The following SORCS2 variants were observed in gnomAD, a reference collection of about 807,000 sequenced individuals.
SORCS2 encodes the protein sortilin related VPS10 domain containing receptor 2, also known as VPS10 domain-containing receptor SorCS2.
In SORCS2, 100 loss-of-function variants were observed where a neutral mutation model predicts 141.6. That is an observed-to-expected ratio of 0.71 (90% CI 0.60 to 0.83). The LOEUF is 0.83. Among genes scored for constraint, SORCS2 ranks in the 40% least tolerant of loss-of-function variants. The pLI is 0.00. For missense variants in SORCS2, 1,646 were observed against 1,560.2 expected, an observed-to-expected ratio of 1.05 and a Z score of -0.93; for synonymous variants, 789 against 676.9, an observed-to-expected ratio of 1.17 and a Z score of -2.57.
intron 2 of SORCS2, among the ~76,000 whole-genome samples, chr4:7,475,933 G>A (rs901467035): frequency 2.0e-5 from 3 of 152,188 alleles, no homozygotes; most frequent in African/African-American, 2.4e-5. Context: ...TTGTCCCTTC[G>A]GCTGTGACGA....
At chr4:7,717,406 A>G (rs2109047159) in intron 17 of SORCS2, among the ~76,000 whole-genome samples, 1 of 152,340 alleles carries the variant, frequency 6.6e-6, no homozygotes, top group Middle Eastern at 3.4e-3. Flanking sequence ...TCTGCTCTGC[A>G]CAGCATCTAG....
intron 2 of SORCS2, among the ~76,000 whole-genome samples, chr4:7,528,037 C>T (rs944859660): frequency 6.7e-6 from 1 of 149,346 alleles, no homozygotes; most frequent in Non-Finnish European, 1.5e-5. Context: ...CTCTGTCTCT[C>T]TCTCTGTCTC....
At chr4:7,313,293 T>C (rs1309144438) in intron 1 of SORCS2, among the ~76,000 whole-genome samples, 1 of 152,214 alleles carries the variant, frequency 6.6e-6, no homozygotes, top group Non-Finnish European at 1.5e-5. Flanking sequence ...ATTCAGTTGT[T>C]AGAAAATCAT....
At chr4:7,333,432 T>C (rs1048507843) in intron 1 of SORCS2, among the ~76,000 whole-genome samples, 1 of 152,208 alleles carries the variant, frequency 6.6e-6, no homozygotes, top group Non-Finnish European at 1.5e-5. Context: ...CATCCTCTTC[T>C]GCTCTGTTGT....
intron 1 of SORCS2, among the ~76,000 whole-genome samples, chr4:7,317,523 G>C (rs1407353863): frequency 6.6e-6 from 1 of 152,192 alleles, no homozygotes; most frequent in Non-Finnish European, 1.5e-5. Context: ...GAGCCCAGGT[G>C]GCCACTTCTT....
intron 2 of SORCS2, among the ~76,000 whole-genome samples, chr4:7,528,538 G>T (rs1733840801): frequency 6.6e-6 from 1 of 152,250 alleles, no homozygotes; most frequent in Non-Finnish European, 1.5e-5. Context: ...AGATTCTCGT[G>T]CCTCAGCCTC....
At chr4:7,714,061 A>C (rs1175250666) in intron 15 of SORCS2, among the ~76,000 whole-genome samples, 179 bp from the exon 16 acceptor site, 1 of 152,204 alleles carries the variant, frequency 6.6e-6, no homozygotes, top group African/African-American at 2.4e-5. Flanking sequence ...GGTTGGGATG[A>C]GAGGGAGGCT....
intron 26 of SORCS2, among the ~76,000 whole-genome samples, chr4:7,739,610 T>C (rs1460997580): frequency 6.6e-6 from 1 of 152,102 alleles, no homozygotes; most frequent in Non-Finnish European, 1.5e-5. Context: ...AGGTGAAGGA[T>C]GGGCGAGGAC....
At chr4:7,400,711 A>G (rs1299693799) in intron 2 of SORCS2, among the ~76,000 whole-genome samples, 2 of 152,168 alleles carry the variant, frequency 1.3e-5, no homozygotes, top group African/African-American at 4.8e-5. Context: ...GAATGGATGG[A>G]TGGATGAATG....
chr4:7,513,278 G>A (rs1053156692), intron 2 of SORCS2, among the ~76,000 whole-genome samples: 1 of 152,242 alleles, frequency 6.6e-6, no homozygotes, highest in Non-Finnish European at 1.5e-5. Flanking sequence ...CCGTGGATGA[G>A]TGGAAGCCAT....
chr4:7,317,699 C>T (rs1021709912), intron 1 of SORCS2, among the ~76,000 whole-genome samples: 1 of 152,206 alleles, frequency 6.6e-6, no homozygotes, highest in African/African-American at 2.4e-5. Context: ...CTAAGCCTCC[C>T]TTTGTCTTAA....
In SORCS2 at chr4:7,433,293, C is replaced by G. The variant is rs1384011789; in HGVS notation, c.548+36938C>G. On this transcript the variant is annotated intron_variant, in intron 2 of 26. Transcript: ENST00000507866. ...ACCTCATGGGCCTCGCTAGCAGGCT[C>G]TGGGTCTCTGGCAGCCACGGTCACG... The G allele has an allele frequency of 3.6e-6, 5 of 1,371,296 alleles. No homozygotes were observed. The East Asian group carries it at 8.3e-5, about 23-fold the overall frequency. 84.9% of individuals were successfully genotyped at this position (1,371,296 alleles called of 1,614,324 possible). A position where few individuals can be genotyped will look rare whatever the true frequency, so the allele number is the denominator to read the frequency against.
chr4:7,617,672 G>A (rs531102462), intron 3 of SORCS2, among the ~76,000 whole-genome samples: 1 of 152,310 alleles, frequency 6.6e-6, no homozygotes, highest in Non-Finnish European at 1.5e-5. Flanking sequence ...AGGGTGTATA[G>A]GAGTTGGCCA....
At chr4:7,410,053 G>A (rs1239583068) in intron 2 of SORCS2, among the ~76,000 whole-genome samples, 2 of 152,246 alleles carry the variant, frequency 1.3e-5, no homozygotes, top group African/African-American at 4.8e-5. Flanking sequence ...GTCCTTCTCT[G>A]CAGAGGCCAA....
rs1207218488 is a variant in SORCS2 at position 7,232,176 on chromosome 4, G to A, written c.480+39050G>A. On this transcript the variant is annotated intron_variant, in intron 1 of 26. Coordinates refer to ENST00000507866, the MANE Select transcript of SORCS2 (RefSeq NM_020777.3). ...GGGAATGGAGGCTGCGGGCCCTGGG[G>A]GAAGCATGGGCTGTGGGAGTAGCCT... is the stretch of plus-strand genomic sequence containing the variant. 2.0e-5 allele frequency among the ~76,000 whole-genome samples: 3 copies of A among 152,204 alleles called. No homozygotes were observed. The East Asian group carries it at 5.8e-4, about 29-fold the overall frequency.
At chr4:7,246,564 A>G (rs550373085) in intron 1 of SORCS2, among the ~76,000 whole-genome samples, 6 of 152,284 alleles carry the variant, frequency 3.9e-5, no homozygotes, top group African/African-American at 1.4e-4. Flanking sequence ...TAAATGAACC[A>G]CAGATCTTGT....
chr4:7,451,995 GGCCCTATTCTGT>G (rs1728491780), intron 2 of SORCS2, among the ~76,000 whole-genome samples: 1 of 152,128 alleles, frequency 6.6e-6, no homozygotes, highest in Non-Finnish European at 1.5e-5. Context: ...GTGTGACCCA[GGCCCTATTCTGT>G]GCCTTCTCTC....
At position 7,292,065 on chromosome 4, in the gene SORCS2, A is replaced by G. The variant is rs372066466; in HGVS notation, c.480+98939A>G. ...GCCCTGGAGGGGACCGTCATGGGAA[A>G]CCAGACCAGCCTCACAGAAACTGAG... On this transcript the variant is annotated intron_variant, in intron 1 of 26. Coordinates refer to ENST00000507866, the MANE Select transcript of SORCS2 (RefSeq NM_020777.3). Among the ~76,000 whole-genome samples, 9 of 152,256 alleles carry G rather than the reference A, an allele frequency of 5.9e-5. No individual in the cohort carries two copies. In the East Asian group the frequency reaches 1.4e-3, roughly 23 times the overall value.
At chr4:7,542,062 C>T (rs1712718176) in intron 3 of SORCS2, among the ~76,000 whole-genome samples, 1 of 152,200 alleles carries the variant, frequency 6.6e-6, no homozygotes, top group Non-Finnish European at 1.5e-5. Flanking sequence ...AGCAGAGCTC[C>T]AAGACCAGGA....
Sources: allele counts gnomAD v4.1 joint callset (sites outside exome capture counted in the v4.1 genomes callset), GRCh38; gene constraint gnomAD v4.1.1; transcripts MANE v1.5; gene names NCBI Gene and HGNC (gene_info 2026-07-23, HGNC 2026-07-21).